Variants in CAST observed in about 807,000 individuals in gnomAD.
The protein encoded by CAST is MIR583 host.
A neutral mutation model predicts 119.6 loss-of-function variants in CAST; 76 were observed. That is an observed-to-expected ratio of 0.64 (90% CI 0.53 to 0.77). CAST has a LOEUF of 0.77. CAST is among the 30% of genes least tolerant of loss of function. CAST has a pLI of 0.00. For missense variants in CAST, 953 were observed against 946.5 expected, an observed-to-expected ratio of 1.01 and a Z score of -0.09; for synonymous variants, 319 against 331.6, an observed-to-expected ratio of 0.96 and a Z score of 0.41.
chr5:96,328,885 C>G, the CAST span, among the ~76,000 whole-genome samples: 1 of 152,182 alleles, frequency 6.6e-6, no homozygotes, highest in Non-Finnish European at 1.5e-5. Context: ...ATCTGAGATT[C>G]CCTTTCTCCT....
intron 3 of CAST, chr5:96,702,746 G>T (rs1581027593): frequency 3.0e-6 from 3 of 984,808 alleles, no homozygotes; most frequent in Non-Finnish European, 3.6e-6. Flanking sequence ...GGGCCGCCGG[G>T]CAGGGGGGCG....
At chr5:96,572,315 T>G (rs1291182653) in intron 1 of CAST, among the ~76,000 whole-genome samples, 1 of 152,038 alleles carries the variant, frequency 6.6e-6, no homozygotes, top group South Asian at 2.1e-4. Flanking sequence ...ATTCTCCTAC[T>G]TCAGCCTCCC....
chr5:96,468,848 A>G, the CAST span, among the ~76,000 whole-genome samples: 3 of 152,188 alleles, frequency 2.0e-5, no homozygotes, highest in Non-Finnish European at 4.4e-5. Context: ...AGAAAAATGT[A>G]TCTTTCCACT....
chr5:96,477,328 A>G, the CAST span, among the ~76,000 whole-genome samples: 1 of 150,586 alleles, frequency 6.6e-6, no homozygotes, highest in African/African-American at 2.5e-5. Context: ...ACACACACAC[A>G]GCTGGGGCAT....
At chr5:96,252,185 A>G in the CAST span, among the ~76,000 whole-genome samples, 4 of 152,110 alleles carry the variant, frequency 2.6e-5, no homozygotes, top group Non-Finnish European at 5.9e-5. Flanking sequence ...GATCCAAAAT[A>G]CAATTACTGA....
the CAST span, among the ~76,000 whole-genome samples, chr5:96,343,018 A>T: frequency 1.3e-5 from 2 of 152,204 alleles, no homozygotes. Flanking sequence ...TACATTTGGT[A>T]TTGAAGGAAA....
intron 3 of CAST, among the ~76,000 whole-genome samples, chr5:96,708,912 A>G (rs1376211330): frequency 1.3e-5 from 2 of 152,152 alleles, no homozygotes; most frequent in African/African-American, 2.4e-5. Context: ...ATGCTATTTT[A>G]CTTCCTGATT....
At chr5:96,365,991 C>T in the CAST span, among the ~76,000 whole-genome samples, 4 of 152,104 alleles carry the variant, frequency 2.6e-5, no homozygotes, top group African/African-American at 7.2e-5. Context: ...ATGTTTAGTG[C>T]TTCCTTCAGG....
chr5:96,596,560 T>C (rs983537584), intron 1 of CAST, among the ~76,000 whole-genome samples: 1 of 152,064 alleles, frequency 6.6e-6, no homozygotes, highest in Admixed American at 6.5e-5. Context: ...AAACCAGCAA[T>C]AGGAAACATG....
intron 1 of CAST, among the ~76,000 whole-genome samples, chr5:96,638,874 C>A (rs754262986): frequency 6.6e-6 from 1 of 152,172 alleles, no homozygotes; most frequent in Non-Finnish European, 1.5e-5. Flanking sequence ...CAGAACTTCC[C>A]TATCCCTTCT....
At chr5:96,092,875 C>T in the CAST span, among the ~76,000 whole-genome samples, 15 of 152,200 alleles carry the variant, frequency 9.9e-5, no homozygotes, top group Non-Finnish European at 2.1e-4. Flanking sequence ...TTTGGAGAGA[C>T]ACCGTGTAGC....
chr5:96,606,926 C>G (rs374372927), intron 1 of CAST, among the ~76,000 whole-genome samples: 1 of 152,198 alleles, frequency 6.6e-6, no homozygotes, highest in African/African-American at 2.4e-5. Context: ...ATCAGAAACT[C>G]TGGGAATAAG....
the CAST span, among the ~76,000 whole-genome samples, chr5:96,085,255 C>T: frequency 6.6e-6 from 1 of 152,126 alleles, no homozygotes; most frequent in African/African-American, 2.4e-5. Context: ...TATTCTCTTC[C>T]TGTCAGAAAT....
At chr5:96,239,992 A>G in the CAST span, among the ~76,000 whole-genome samples, 3 of 152,092 alleles carry the variant, frequency 2.0e-5, no homozygotes, top group Admixed American at 6.5e-5. Flanking sequence ...CTTCAATAGT[A>G]TATGTTTTTA....
chr5:96,180,527 A>C, the CAST span, among the ~76,000 whole-genome samples: 1 of 152,240 alleles, frequency 6.6e-6, no homozygotes, highest in African/African-American at 2.4e-5. Flanking sequence ...TTTCCACAAC[A>C]ATCATATGAA....
At chr5:96,695,930 A>T in intron 3 of CAST, 23 bp downstream of exon 3, 3 of 1,557,124 alleles carry the variant, frequency 1.9e-6, no homozygotes, top group Non-Finnish European at 2.7e-6. Flanking sequence ...CTGAACACGA[A>T]AAGACCCCTA....
chr5:96,692,809 G>C (rs904457450), intron 2 of CAST, among the ~76,000 whole-genome samples: 1 of 152,116 alleles, frequency 6.6e-6, no homozygotes, highest in Non-Finnish European at 1.5e-5. Context: ...TTACTTAAAG[G>C]CTGAGTCTTT....
chr5:96,468,081 GT>G, the CAST span, among the ~76,000 whole-genome samples: 44 of 152,122 alleles, frequency 2.9e-4, no homozygotes, highest in African/African-American at 1.0e-3. Context: ...CACTATACAA[GT>G]TGCTGCAAAA....
the CAST span, among the ~76,000 whole-genome samples, chr5:96,466,962 T>G: frequency 6.6e-6 from 1 of 152,110 alleles, no homozygotes; most frequent in Admixed American, 6.6e-5. Context: ...CACCAACAAT[T>G]TATAATACTT....
Sources: gnomAD v4.1 joint callset for allele counts (sites outside exome capture counted in the v4.1 genomes callset) on GRCh38, gnomAD v4.1.1 for gene constraint, MANE v1.5 for transcripts, NCBI Gene and HGNC (gene_info 2026-07-23, HGNC 2026-07-21) for gene names.